The following COPA variants were observed in gnomAD, a reference collection of about 807,000 sequenced individuals.
The protein encoded by COPA is coat protein complex I subunit alpha.
In COPA, 10 loss-of-function variants were observed where a neutral mutation model predicts 158.7. The observed-to-expected ratio is 0.06, with a 90% CI of 0.04 to 0.11. The LOEUF is 0.11. COPA is among the 10% of genes least tolerant of loss of function. COPA has a pLI of 1.00. For missense variants in COPA, 1,065 were observed against 1,536.7 expected (o/e 0.69, Z 5.13); for synonymous variants, 462 against 542.8 (o/e 0.85, Z 2.07).
intron 17 of COPA, 145 bp from the exon 18 acceptor site, chr1:160,299,409 A>G (rs1442110228): frequency 1.4e-6 from 1 of 722,040 alleles, no homozygotes; most frequent in African/African-American, 1.8e-5. Flanking sequence ...GAGCAGAACT[A>G]AATGCCAAAT....
At chr1:160,331,571 C>T (rs1008208698) in intron 6 of COPA, among the ~76,000 whole-genome samples, 1 of 148,536 alleles carries the variant, frequency 6.7e-6, no homozygotes, top group Admixed American at 6.8e-5. Flanking sequence ...CGCTTGAATC[C>T]GGGAGGCAGA....
At chr1:160,306,333 T>C (rs1454366641) in intron 15 of COPA, 21 bp downstream of exon 15, 6 of 1,575,818 alleles carry the variant, frequency 3.8e-6, no homozygotes, top group South Asian at 1.2e-5. Flanking sequence ...GCTGTCTGCT[T>C]AGGGGCACCT....
At chr1:160,294,353 G>A (rs1658333129) in intron 25 of COPA, 131 bp downstream of exon 25, 1 of 742,454 alleles carries the variant, frequency 1.3e-6, no homozygotes, top group Non-Finnish European at 2.3e-6. Flanking sequence ...CCCCTTCCCA[G>A]AAGGGCTGAC....
chr1:160,303,906 T>C (rs1658696162), intron 17 of COPA, among the ~76,000 whole-genome samples: 1 of 152,124 alleles, frequency 6.6e-6, no homozygotes, highest in Non-Finnish European at 1.5e-5. Context: ...TCAATCTCAT[T>C]AGGAAACAGA....
intron 1 of COPA, among the ~76,000 whole-genome samples, chr1:160,341,995 G>A (rs1013581713): frequency 2.0e-5 from 3 of 152,028 alleles, no homozygotes; most frequent in African/African-American, 7.3e-5. Flanking sequence ...ATTCTTAATG[G>A]TACCCATCTT....
In COPA at chr1:160,293,232, G is replaced by C; in HGVS notation, c.2757C>G (p.Ile919Met). The stretch of plus-strand genomic sequence containing the variant: ...CTGGAAGCTGAGAGTTATTACACCA[G>C]ATCTAACAAGAAACAAAAAAACCCA... Reference protein sequence around the residue: ...PPTKGTSPTQIWCNNSQLPVD... With the variant: ...PPTKGTSPTQMWCNNSQLPVD... Residue 919 changes from isoleucine to methionine, a missense_variant and splice_region_variant, in exon 27 of 33, where the codon ATC (isoleucine) becomes ATG (methionine). By Grantham distance (10) the Ile-to-Met change is conservative. Transcript: ENST00000241704. 1 of 1,614,068 alleles carries C rather than the reference G, an allele frequency of 6.2e-7. No homozygotes were observed. The highest frequency in any genetic ancestry group is 2.2e-5 in the East Asian group (1 of 44,876).
In COPA at chr1:160,317,582, C is replaced by T; in HGVS notation, c.707-3457G>A. On this transcript the variant is annotated intron_variant, in intron 8 of 32. Coordinates refer to ENST00000241704, the MANE Select transcript of COPA (RefSeq NM_004371.4). ...CAAAGACAGGGCGTTCCAATGAATT[C>T]ATTCAGGTTTCTCTTTGAGGGTCAG... 5 of 1,589,150 alleles carry T rather than the reference C, an allele frequency of 3.1e-6. No individual in the cohort carries two copies. In the South Asian group the frequency reaches 5.5e-5, roughly 18 times the overall value.
At position 160,291,376 on chromosome 1, in the gene COPA, G is replaced by A. The variant is rs749061726; in HGVS notation, c.3379C>T (p.Arg1127Cys). 8 of 1,613,972 alleles carry A rather than the reference G, an allele frequency of 5.0e-6. No homozygotes were observed. The highest frequency in any genetic ancestry group is 3.3e-5 in the Admixed American group (2 of 60,024). The part of the protein sequence containing the change: ...NFKTAATFAR[R>C]LLELGPKPEV... ...GGCTTGGGCCCGAGTTCTAGTAGGC[G>A]CCGAGCAAAGGTGGCAGCTGTCTTG... Residue 1127 changes from arginine to cysteine, a missense_variant, in exon 31 of 33, where the codon CGC becomes TGC. Coordinates refer to ENST00000241704, the MANE Select transcript of COPA (RefSeq NM_004371.4).
At chr1:160,317,237 G>C (rs1659178171) in intron 8 of COPA, among the ~76,000 whole-genome samples, 1 of 152,228 alleles carries the variant, frequency 6.6e-6, no homozygotes, top group Admixed American at 6.5e-5. Flanking sequence ...GTTAAAAGTA[G>C]TTCTTCGATC....
chr1:160,308,330 A>G (rs1236553818), intron 13 of COPA, among the ~76,000 whole-genome samples: 1 of 152,198 alleles, frequency 6.6e-6, no homozygotes, highest in African/African-American at 2.4e-5. Flanking sequence ...CATTTAAAAG[A>G]GAGGAGATCG....
intron 13 of COPA, among the ~76,000 whole-genome samples, chr1:160,308,316 AAC>A (rs1241425214): frequency 6.6e-6 from 1 of 152,064 alleles, no homozygotes; most frequent in Non-Finnish European, 1.5e-5. Context: ...TCTCACTATG[AAC>A]ACATTTAAAA....
At chr1:160,326,198 C>A (rs1385857217) in intron 6 of COPA, 1 of 154,256 alleles carries the variant, frequency 6.5e-6, no homozygotes, top group Non-Finnish European at 1.4e-5. Context: ...TGAGATAACT[C>A]ACTATCTTCG....
chr1:160,319,188 G>A (rs921781466), intron 8 of COPA, among the ~76,000 whole-genome samples: 1 of 151,974 alleles, frequency 6.6e-6, no homozygotes, highest in African/African-American at 2.4e-5. Context: ...CGAAGGAGTG[G>A]GAGATATTCC....
intron 1 of COPA, among the ~76,000 whole-genome samples, chr1:160,340,858 A>G (rs1175751288): frequency 6.6e-6 from 1 of 152,186 alleles, no homozygotes; most frequent in Non-Finnish European, 1.5e-5. Flanking sequence ...CTCTCTCTGC[A>G]GCCCCCTCTT....
intron 17 of COPA, among the ~76,000 whole-genome samples, chr1:160,302,800 C>T (rs1416919241): frequency 6.6e-6 from 1 of 151,830 alleles, no homozygotes; most frequent in Non-Finnish European, 1.5e-5. Context: ...GTGATCCACC[C>T]GCCTCAGCCT....
Position 160,309,168 on chromosome 1 carries a change from G to T in COPA, c.1152C>A (p.Ser384Arg). 1 of 1,612,126 alleles carries T rather than the reference G, an allele frequency of 6.2e-7. No individual in the cohort carries two copies. The highest frequency in any genetic ancestry group is 1.1e-5 in the South Asian group (1 of 91,020). Residue 384 changes from serine to arginine, a missense_variant, in exon 13 of 33, where the codon AGC (serine) becomes AGA (arginine). Ser to Arg is a moderately radical substitution (Grantham distance 110, BLOSUM62 -1). Around this residue, in one of 2 missense-constraint regions of COPA, gnomAD observed 980 missense variants for 1,357.8 expected, o/e 0.72. Coordinates refer to ENST00000241704, the MANE Select transcript of COPA (RefSeq NM_004371.4). ...ENAVLLCTRA[S>R]NLENSTYDLY... ...GGTCATAGGTACTATTCTCTAGATT[G>T]CTAGCTCTCTGTAGAAGAAAAGGGG... is the stretch of plus-strand genomic sequence containing the variant.
intron 32 of COPA, 23 bp downstream of exon 32, chr1:160,290,469 T>C: frequency 3.1e-6 from 5 of 1,607,026 alleles, no homozygotes; most frequent in South Asian, 2.2e-5. Flanking sequence ...ATCCTAGATA[T>C]ATTTATTGAG....
intron 21 of COPA, 31 bp downstream of exon 21, chr1:160,297,312 C>G: frequency 6.3e-7 from 1 of 1,594,310 alleles, no homozygotes; most frequent in Non-Finnish European, 8.6e-7. Flanking sequence ...TCCTCAGACC[C>G]TGAAAAAGCT....
At chr1:160,302,348 T>C (rs1056931761) in intron 17 of COPA, among the ~76,000 whole-genome samples, 7 of 152,072 alleles carry the variant, frequency 4.6e-5, no homozygotes, top group Admixed American at 4.6e-4. Flanking sequence ...GCAAGATCTC[T>C]ATAGAGAAAA....
Sources: gnomAD v4.1 joint callset for allele counts (sites outside exome capture counted in the v4.1 genomes callset) on GRCh38, gnomAD v4.1.1 for gene constraint, gnomAD v4.1.1 regional missense constraint, MANE v1.5 for transcripts, NCBI Gene and HGNC (gene_info 2026-07-23, HGNC 2026-07-21) for gene names.